Variants in TBC1D22A observed in about 807,000 individuals in gnomAD.
The protein encoded by TBC1D22A is TBC1 domain family member 22A.
Under a neutral mutation model 60.2 loss-of-function variants are expected in TBC1D22A, and 38 were observed. The observed-to-expected ratio is 0.63, with a 90% CI of 0.49 to 0.83. The LOEUF (loss-of-function observed/expected upper bound fraction) is 0.83, where lower values mean the gene tolerates loss of function less well. TBC1D22A is among the 40% of genes least tolerant of loss of function. The probability of loss-of-function intolerance (pLI) is 0.00; values close to 1 mark genes in which losing one functional copy is unlikely to be tolerated. For missense variants in TBC1D22A, 628 were observed against 701.0 expected (o/e 0.90, Z 1.18); for synonymous variants, 302 against 281.7 (o/e 1.07, Z -0.72).
intron 4 of TBC1D22A, among the ~76,000 whole-genome samples, chr22:46,864,153 A>G (rs912838884): frequency 1.3e-5 from 2 of 152,194 alleles, no homozygotes; most frequent in Non-Finnish European, 2.9e-5. Context: ...CACACACCCC[A>G]ACTTTCAAAT....
chr22:46,856,393 G>A (rs2087570768), intron 4 of TBC1D22A, among the ~76,000 whole-genome samples: 1 of 152,226 alleles, frequency 6.6e-6, no homozygotes, highest in Non-Finnish European at 1.5e-5. Context: ...GAGTCCTGCT[G>A]TATATGTTTT....
At chr22:46,984,302 G>T (rs560575288) in intron 9 of TBC1D22A, among the ~76,000 whole-genome samples, 1 of 140,666 alleles carries the variant, frequency 7.1e-6, no homozygotes, top group Non-Finnish European at 1.5e-5. Context: ...GGGAGACAGA[G>T]GTTGCAGTGA....
intron 11 of TBC1D22A, among the ~76,000 whole-genome samples, chr22:47,090,979 G>A (rs1482172039): frequency 1.4e-5 from 2 of 140,182 alleles, no homozygotes; most frequent in African/African-American, 5.4e-5. Context: ...GTTGTCTTTG[G>A]TGGGGAGTGG....
intron 10 of TBC1D22A, among the ~76,000 whole-genome samples, chr22:47,003,068 C>T (rs561668926): frequency 2.0e-5 from 3 of 152,274 alleles, no homozygotes; most frequent in Admixed American, 1.3e-4. Flanking sequence ...TCTAACCCCA[C>T]GGAACCTCCA....
At chr22:46,941,212 C>A (rs985231383) in intron 8 of TBC1D22A, among the ~76,000 whole-genome samples, 1 of 118,404 alleles carries the variant, frequency 8.4e-6, no homozygotes, top group East Asian at 2.6e-4. Flanking sequence ...TATGTATACA[C>A]ACACACACAC....
intron 4 of TBC1D22A, among the ~76,000 whole-genome samples, chr22:46,813,729 T>C (rs530210689): frequency 1.3e-5 from 2 of 152,186 alleles, no homozygotes; most frequent in East Asian, 3.9e-4. Flanking sequence ...GGGATTTGGC[T>C]GGGGGTGGGA....
chr22:47,079,615 G>A (rs181639910), intron 11 of TBC1D22A, among the ~76,000 whole-genome samples: 2 of 152,110 alleles, frequency 1.3e-5, no homozygotes, highest in African/African-American at 4.8e-5. Flanking sequence ...ACCCTAGAGC[G>A]ACCACTAGCA....
chr22:47,060,889 G>A (rs1420400725), intron 11 of TBC1D22A, among the ~76,000 whole-genome samples: 2 of 152,202 alleles, frequency 1.3e-5, no homozygotes, highest in African/African-American at 4.8e-5. Context: ...CATCATCGGG[G>A]CGGTTGCAGA....
Position 46,922,838 on chromosome 22 carries a change from A to G in TBC1D22A, c.1015+10650A>G, listed in dbSNP as rs547534839. On this transcript the variant is annotated intron_variant, in intron 8 of 12. Transcript: ENST00000337137. ...ATCTAGGAGCTTTTGGGCAGAGACTATGGGGTTTTCTAGGTATAGAATCGT... is the reference window on the plus strand; with the variant it reads ...ATCTAGGAGCTTTTGGGCAGAGACTGTGGGGTTTTCTAGGTATAGAATCGT... Among the ~76,000 whole-genome samples, 4 of 152,306 alleles carry G rather than the reference A, an allele frequency of 2.6e-5. No individual in the cohort carries two copies. In the East Asian group the frequency reaches 5.8e-4, roughly 22 times the overall value.
intron 11 of TBC1D22A, among the ~76,000 whole-genome samples, chr22:47,084,787 A>G (rs73888866): frequency 0.059 from 8,976 of 152,284 alleles, 292 homozygotes; most frequent in Middle Eastern, 0.092. Context: ...GAAAACAAGT[A>G]TGGTACAAAG....
Position 47,103,664 on chromosome 22 carries a change from C to T in TBC1D22A, c.1330-7844C>T, listed in dbSNP as rs117912755. Among the ~76,000 whole-genome samples, 1,607 of 152,256 alleles carry T rather than the reference C, an allele frequency of 0.011. 49 individuals are homozygous for T. In the East Asian group the frequency reaches 0.12, roughly 11 times the overall value. ...GAATGGGATATAGGAGTCGCAGTGG[C>T]ATTTAAACTCAGTTGAAATATTTGG... On this transcript the variant is annotated intron_variant, in intron 11 of 12. Coordinates refer to ENST00000337137, the MANE Select transcript of TBC1D22A (RefSeq NM_014346.5).
At chr22:46,866,206 G>A (rs1325346014) in intron 4 of TBC1D22A, among the ~76,000 whole-genome samples, 2 of 152,200 alleles carry the variant, frequency 1.3e-5, no homozygotes, top group African/African-American at 4.8e-5. Context: ...CTGGGTTCAA[G>A]CGATTCTCCT....
At chr22:47,006,229 G>T (rs2061588782) in intron 10 of TBC1D22A, among the ~76,000 whole-genome samples, 1 of 152,198 alleles carries the variant, frequency 6.6e-6, no homozygotes, top group Non-Finnish European at 1.5e-5. Flanking sequence ...GTTATTGTTG[G>T]TGGCCAAGGA....
chr22:47,013,918 C>T (rs181948931), intron 10 of TBC1D22A, among the ~76,000 whole-genome samples: 1 of 152,358 alleles, frequency 6.6e-6, no homozygotes, highest in East Asian at 1.9e-4. Context: ...TGCACACGGC[C>T]AGTCCTCCCA....
At position 46,990,030 on chromosome 22, in the gene TBC1D22A, C is replaced by T. The variant is rs1241359889; in HGVS notation, c.1126-7604C>T. Among the ~76,000 whole-genome samples, 1 of 152,192 alleles carries T rather than the reference C, an allele frequency of 6.6e-6. No individual in the cohort carries two copies. Among genetic ancestry groups the T allele is most frequent in the African/African-American group, 2.4e-5 (1 of 41,442 alleles). ...TGTTTTCCAGACTGGTCTTGAACTC[C>T]TGGGCTCAAGCGAGCTGCCCATGTT... On this transcript the variant is annotated intron_variant, in intron 9 of 12. Coordinates refer to ENST00000337137, the MANE Select transcript of TBC1D22A (RefSeq NM_014346.5). This position sits in a 1 kb window ranked among gnomAD's most constrained non-coding sequence, Gnocchi z 4.6.
At chr22:46,870,532 A>G (rs1368358614) in intron 4 of TBC1D22A, among the ~76,000 whole-genome samples, 1 of 152,236 alleles carries the variant, frequency 6.6e-6, no homozygotes, top group Non-Finnish European at 1.5e-5. Flanking sequence ...TTAGGATTTT[A>G]CTGCCTGACT....
chr22:47,061,657 C>T (rs1357182693), intron 11 of TBC1D22A, among the ~76,000 whole-genome samples: 1 of 152,138 alleles, frequency 6.6e-6, no homozygotes, highest in Non-Finnish European at 1.5e-5. Flanking sequence ...TGACTCCTTC[C>T]ACTCTCCATA....
chr22:47,124,580 G>A (rs2066385492), intron 12 of TBC1D22A, among the ~76,000 whole-genome samples: 1 of 152,238 alleles, frequency 6.6e-6, no homozygotes, highest in Non-Finnish European at 1.5e-5. Context: ...CACATGCCTG[G>A]TGTGGAGTTG....
chr22:46,958,927 G>A lies in TBC1D22A; in HGVS notation c.1016-15363G>A, dbSNP rs543023918. Among the ~76,000 whole-genome samples, 4 of 152,316 alleles carry A rather than the reference G, an allele frequency of 2.6e-5. No homozygotes were observed. In the Middle Eastern group the frequency reaches 0.01, roughly 389 times the overall value. On this transcript the variant is annotated intron_variant, in intron 8 of 12. Transcript: ENST00000337137. ...CATGAAATGCATGGAGACACAAGATGTTTTCACGACACAATACACCATGCT... is the reference window on the plus strand; with the variant it reads ...CATGAAATGCATGGAGACACAAGATATTTTCACGACACAATACACCATGCT...
Sources: allele counts gnomAD v4.1 joint callset (sites outside exome capture counted in the v4.1 genomes callset), GRCh38; gene constraint gnomAD v4.1.1; non-coding constraint Gnocchi (gnomAD v3.1); transcripts MANE v1.5; gene names NCBI Gene and HGNC (gene_info 2026-07-23, HGNC 2026-07-21).